GABRB1: variants seen among roughly 807,000 people sequenced by gnomAD.
GABRB1 encodes the protein gamma-aminobutyric acid receptor subunit beta-1.
In GABRB1, 17 loss-of-function variants were observed where a neutral mutation model predicts 51.6. That is an observed-to-expected ratio of 0.33 (90% confidence interval 0.23 to 0.49). The LOEUF (loss-of-function observed/expected upper bound fraction) is 0.49. GABRB1 is among the 20% of genes least tolerant of loss of function. The pLI, the probability that GABRB1 is intolerant of heterozygous loss-of-function variation, is 0.99. For missense variants in GABRB1, 410 were observed against 600.6 expected (o/e 0.68, Z 3.32); for synonymous variants, 247 against 218.9 (o/e 1.13, Z -1.14).
chr4:47,255,345 A>G (rs1339185978), intron 4 of GABRB1, among the ~76,000 whole-genome samples: 1 of 152,228 alleles, frequency 6.6e-6, no homozygotes, highest in Non-Finnish European at 1.5e-5. Flanking sequence ...CTCCAAACAA[A>G]TACATTAGCC....
At chr4:47,248,299 C>A (rs568804066) in intron 4 of GABRB1, among the ~76,000 whole-genome samples, 2 of 152,178 alleles carry the variant, frequency 1.3e-5, no homozygotes, top group Admixed American at 6.5e-5. Context: ...GTTTTTAATT[C>A]TGTCAATGTG....
intron 4 of GABRB1, among the ~76,000 whole-genome samples, chr4:47,262,796 A>C (rs750524972): frequency 6.6e-6 from 1 of 152,132 alleles, no homozygotes; most frequent in Non-Finnish European, 1.5e-5. Flanking sequence ...AACCAACCCA[A>C]ATTCCAACAA....
At chr4:47,031,856 T>C (rs982363006) in intron 1 of GABRB1, 58 bp from the exon 2 acceptor site, 18 of 1,544,864 alleles carry the variant, frequency 1.2e-5, no homozygotes, top group Non-Finnish European at 1.5e-5. Flanking sequence ...CTGTATCTTT[T>C]TATATGTGCT....
chr4:47,196,015 G>GT (rs1211773747), intron 4 of GABRB1, among the ~76,000 whole-genome samples: 1 of 152,182 alleles, frequency 6.6e-6, no homozygotes, highest in African/African-American at 2.4e-5. Context: ...CAAACCATAT[G>GT]TAGTAGTACT....
chr4:47,260,102 T>C (rs1424199038), intron 4 of GABRB1, among the ~76,000 whole-genome samples: 1 of 152,184 alleles, frequency 6.6e-6, no homozygotes, highest in Non-Finnish European at 1.5e-5. Flanking sequence ...TCTCTTTTGA[T>C]CTTTGTTGGT....
chr4:47,377,333 G>A (rs974191201), intron 5 of GABRB1, among the ~76,000 whole-genome samples: 2 of 152,080 alleles, frequency 1.3e-5, no homozygotes, highest in African/African-American at 4.8e-5. Flanking sequence ...GAATGAAGCC[G>A]TGGACCCTCG....
chr4:47,140,092 TAACACACAC>T (rs1560553959), intron 3 of GABRB1, among the ~76,000 whole-genome samples: 1 of 96,362 alleles, frequency 1.0e-5, no homozygotes, highest in African/African-American at 4.3e-5. Context: ...TAAATTAAAT[TAACACACAC>T]ACACACACAC....
chr4:47,425,732 G>T lies in GABRB1; in HGVS notation c.1139G>T (p.Gly380Val), dbSNP rs1729260258. The T allele has an allele frequency of 1.2e-6, 2 of 1,613,940 alleles. No homozygotes were observed. The highest frequency in any genetic ancestry group is 2.7e-5 in the African/African-American group (2 of 74,938). ...CTGGAAATCCGGAATGAGACGAGTG[G>T]CTCGGAAGTGCTCACGAGCGTGAGC... is the stretch of plus-strand genomic sequence containing the variant. The part of the protein sequence containing the change: ...STLEIRNETS[G>V]SEVLTSVSDP... Residue 380 changes from glycine (G) to valine (V), a missense_variant, in exon 9 of 9, where the codon GGC becomes GTC. Coordinates refer to ENST00000295454, the MANE Select transcript of GABRB1 (RefSeq NM_000812.4).
chr4:47,337,418 G>A (rs1452613167), intron 5 of GABRB1, among the ~76,000 whole-genome samples: 1 of 152,098 alleles, frequency 6.6e-6, no homozygotes, highest in Non-Finnish European at 1.5e-5. Context: ...TTGAGGATAT[G>A]GGGATTTTAC....
At chr4:47,354,825 A>C (rs1282641613) in intron 5 of GABRB1, among the ~76,000 whole-genome samples, 1 of 147,866 alleles carries the variant, frequency 6.8e-6, no homozygotes, top group Non-Finnish European at 1.5e-5. Flanking sequence ...TCATCAAAAG[A>C]TATTAGCCTC....
chr4:47,063,312 G>T (rs1435839301), intron 3 of GABRB1, among the ~76,000 whole-genome samples: 1 of 152,050 alleles, frequency 6.6e-6, no homozygotes. Context: ...GGATATGAAA[G>T]TGAATATTTA....
At chr4:47,344,715 G>T (rs1726025891) in intron 5 of GABRB1, among the ~76,000 whole-genome samples, 1 of 149,960 alleles carries the variant, frequency 6.7e-6, no homozygotes, top group Admixed American at 6.7e-5. Context: ...TTGTGTGTGT[G>T]TTTTTTTGTT....
At chr4:47,312,073 G>A (rs184312143) in intron 4 of GABRB1, among the ~76,000 whole-genome samples, 23 of 150,158 alleles carry the variant, frequency 1.5e-4, no homozygotes, top group East Asian at 5.9e-4. Flanking sequence ...GTGTGTGTGC[G>A]CGTGCATACA....
chr4:47,399,954 A>C (rs1728322325), intron 5 of GABRB1, among the ~76,000 whole-genome samples: 1 of 152,158 alleles, frequency 6.6e-6, no homozygotes, highest in Non-Finnish European at 1.5e-5. Context: ...TCTGCAAAAT[A>C]ATTTATTTAG....
chr4:47,129,675 A>G (rs1421278838), intron 3 of GABRB1, among the ~76,000 whole-genome samples: 1 of 152,218 alleles, frequency 6.6e-6, no homozygotes, highest in Non-Finnish European at 1.5e-5. Context: ...CATGGATTTT[A>G]GAAATCAGTG....
chr4:47,169,443 A>G (rs889667479), intron 4 of GABRB1, among the ~76,000 whole-genome samples: 1 of 151,538 alleles, frequency 6.6e-6, no homozygotes, highest in Non-Finnish European at 1.5e-5. Context: ...GTAGCACACT[A>G]TGCCAACCAC....
chr4:47,142,884 G>A (rs141243260), intron 3 of GABRB1, among the ~76,000 whole-genome samples: 52 of 151,872 alleles, frequency 3.4e-4, no homozygotes, highest in Non-Finnish European at 6.3e-4. Flanking sequence ...ATCCTTTTTA[G>A]CACTGTATGT....
In GABRB1 at chr4:47,247,195, T is replaced by C. The variant is rs114427622; in HGVS notation, c.462-72932T>C. Among the ~76,000 whole-genome samples, 792 of 151,956 alleles carry C rather than the reference T, an allele frequency of 5.2e-3. 1 individual carries two copies. The highest frequency in any genetic ancestry group is 8.5e-3 in the Non-Finnish European group (579 of 67,818). On this transcript the variant is annotated intron_variant, in intron 4 of 8. Transcript: ENST00000295454. The stretch of plus-strand genomic sequence containing the variant: ...TCCTTAATCCATCTTGAGTTGGTTT[T>C]TAACTTGAGAGACGAGGATCCAGTT...
intron 4 of GABRB1, among the ~76,000 whole-genome samples, chr4:47,258,273 A>G (rs1404637208): frequency 6.6e-6 from 1 of 152,182 alleles, no homozygotes; most frequent in Non-Finnish European, 1.5e-5. Flanking sequence ...ATTTTTAATC[A>G]GAGTTCAGAA....
Sources: gnomAD v4.1 joint callset for allele counts (sites outside exome capture counted in the v4.1 genomes callset) on GRCh38, gnomAD v4.1.1 for gene constraint, MANE v1.5 for transcripts, NCBI Gene and HGNC (gene_info 2026-07-23, HGNC 2026-07-21) for gene names.